Variants in RACGAP1 observed in about 807,000 individuals in gnomAD.
RACGAP1 encodes rac GTPase-activating protein 1.
RACGAP1 carries 30 observed loss-of-function variants against 78.1 expected under a neutral mutation model. The observed-to-expected ratio is 0.38, with a 90% CI of 0.29 to 0.52. The LOEUF is 0.52. RACGAP1 is among the 20% of genes least tolerant of loss of function. RACGAP1 has a pLI of 0.82. For synonymous variants in RACGAP1, 231 were observed against 264.8 expected (o/e 0.87, Z 1.24); for missense variants, 587 against 777.1 (o/e 0.76, Z 2.91).
In RACGAP1 at chr12:50,004,216, G is replaced by A. The variant is rs1289110002; in HGVS notation, c.495+19C>T. ...AGGTAAGAAAAGTAGGTAATTCTCA[G>A]AGATCAAATGTTTATTACCAGTGAT... is the stretch of plus-strand genomic sequence containing the variant. On this transcript the variant is annotated intron_variant, in intron 5 of 16. Transcript: ENST00000312377. 1.3e-6 allele frequency: 2 copies of A among 1,592,924 alleles called. No homozygotes were observed. Among genetic ancestry groups the A allele is most frequent in the East Asian group, 2.3e-5 (1 of 44,346 alleles).
chr12:50,019,049 A>G (rs1949846302), intron 1 of RACGAP1, among the ~76,000 whole-genome samples: 1 of 151,970 alleles, frequency 6.6e-6, no homozygotes, highest in Admixed American at 6.6e-5. Context: ...CTGACTTCCA[A>G]TTTTGATTTC....
chr12:50,021,402 G>A (rs931235421), intron 1 of RACGAP1, among the ~76,000 whole-genome samples: 3 of 152,220 alleles, frequency 2.0e-5, no homozygotes, highest in African/African-American at 7.2e-5. Flanking sequence ...AAGTCAGTAT[G>A]TTACAGATTC....
rs1950235072 is a variant in RACGAP1 at position 50,025,412 on chromosome 12, C to G, written c.-19G>C. On this transcript the variant is annotated 5_prime_UTR_variant, in exon 1 of 17. Coordinates refer to ENST00000312377, the MANE Select transcript of RACGAP1 (RefSeq NM_001319999.2). ...CCACTACTCACTTCAGTCAGCCTGG[C>G]CCCACCTGGGCCACCCTTCACTTCG... The G allele has an allele frequency of 2.0e-6, 2 of 985,678 alleles. No individual in the cohort carries two copies. Among genetic ancestry groups the G allele is most frequent in the Non-Finnish European group, 1.2e-6 (1 of 830,218 alleles). The allele number at this position is 985,678 out of a possible 1,614,324, so 61.1% of individuals were successfully genotyped here. A position where few individuals can be genotyped will look rare whatever the true frequency, so the allele number is the denominator to read the frequency against.
chr12:50,008,949 G>C (rs1460654969), intron 2 of RACGAP1, among the ~76,000 whole-genome samples: 3 of 152,122 alleles, frequency 2.0e-5, no homozygotes, highest in Non-Finnish European at 4.4e-5. Context: ...ATTCAGCTTG[G>C]TACCAGCCTG....
At chr12:50,031,558 C>T in intron 2 of RACGAP1, 1 of 345,746 alleles carries the variant, frequency 2.9e-6, no homozygotes, top group Non-Finnish European at 4.1e-6. Flanking sequence ...TCTAGCTGCA[C>T]TGCCCAACCC....
At chr12:49,993,950 C>G (rs989597366) in intron 12 of RACGAP1, among the ~76,000 whole-genome samples, 181 bp downstream of exon 12, 2 of 152,060 alleles carry the variant, frequency 1.3e-5, no homozygotes, top group Non-Finnish European at 2.9e-5. Flanking sequence ...GAGGCTGAGG[C>G]AGGAGAATCG....
At chr12:50,027,813 G>A (rs979073750), upstream of RACGAP1, among the ~76,000 whole-genome samples, 2 of 152,204 alleles carry the variant, frequency 1.3e-5, no homozygotes, top group Non-Finnish European at 2.9e-5. Flanking sequence ...GCAACAGGGC[G>A]TGACTCCATC....
intron 4 of RACGAP1, among the ~76,000 whole-genome samples, chr12:50,004,991 T>C (rs2137428955): frequency 6.6e-6 from 1 of 152,332 alleles, no homozygotes; most frequent in African/African-American, 2.4e-5. Flanking sequence ...TGCACAGGAT[T>C]AGTTATTGAT....
At chr12:50,004,197 G>T in intron 5 of RACGAP1, 38 bp downstream of exon 5, 1 of 1,585,194 alleles carries the variant, frequency 6.3e-7, no homozygotes, top group South Asian at 1.1e-5. Flanking sequence ...GCAGAGGTAA[G>T]AAAAGTAGGT....
At chr12:50,028,507 G>A (rs1950301277), upstream of RACGAP1, among the ~76,000 whole-genome samples, 1 of 152,180 alleles carries the variant, frequency 6.6e-6, no homozygotes, top group Non-Finnish European at 1.5e-5. Context: ...GGTGGCTTAC[G>A]CCTGTAATCC....
rs1271075228 is a variant in RACGAP1 at position 49,991,484 on chromosome 12, T to A, written c.1714+514A>T. On this transcript the variant is annotated intron_variant, in intron 15 of 16. Coordinates refer to ENST00000312377, the MANE Select transcript of RACGAP1 (RefSeq NM_001319999.2). ...ATATATATATATATATATATATTTT[T>A]TTTTTTTTTTTTTTTTTTTTTTTAG... Among the ~76,000 whole-genome samples, 206 of 66,374 alleles carry A rather than the reference T, an allele frequency of 3.1e-3. 2 individuals carry two copies. Among genetic ancestry groups the A allele is most frequent in the Non-Finnish European group, 3.2e-3 (103 of 32,344 alleles). 43.5% of individuals were successfully genotyped at this position (66,374 alleles called of 152,430 possible). A position where few individuals can be genotyped will look rare whatever the true frequency, so the allele number is the denominator to read the frequency against.
At position 50,016,663 on chromosome 12, in the gene RACGAP1, C is replaced by A. The variant is rs149682099; in HGVS notation, c.53G>T (p.Arg18Leu). ...ATTTCCTTCACTGAGAATCTCCACCCGGCGCACAAGCTGCTCAAACAGATT... is the reference window on the plus strand; with the variant it reads ...ATTTCCTTCACTGAGAATCTCCACCAGGCGCACAAGCTGCTCAAACAGATT... The part of the protein sequence containing the change: ...VRNLFEQLVR[R>L]VEILSEGNEV... The change falls in exon 2 of 17, where the codon CGG becomes CTG. Residue 18 changes from arginine to leucine, a missense_variant. Transcript: ENST00000312377. 29 of 1,614,010 alleles carry A rather than the reference C, an allele frequency of 1.8e-5. No homozygotes were observed. Among genetic ancestry groups the A allele is most frequent in the East Asian group, 2.2e-5 (1 of 44,872 alleles).
intron 2 of RACGAP1, 82 bp from the exon 3 acceptor site, chr12:50,006,718 T>A: frequency 2.2e-6 from 3 of 1,367,782 alleles, no homozygotes; most frequent in Non-Finnish European, 3.0e-6. Context: ...CGGTTAGCTT[T>A]ATTTGAAATT....
intron 15 of RACGAP1, among the ~76,000 whole-genome samples, chr12:49,991,271 C>A (rs1947818367): frequency 6.6e-6 from 1 of 151,078 alleles, no homozygotes; most frequent in Non-Finnish European, 1.5e-5. Context: ...TTCAGTGATC[C>A]CACTCTTAGG....
chr12:49,994,145 A>G lies in RACGAP1; in HGVS notation c.1325T>C (p.Phe442Ser). Residue 442 changes from phenylalanine to serine, a missense_variant, in exon 12 of 17, where the codon TTT becomes TCT. Physicochemically the swap from Phe to Ser is radical, Grantham distance 155 (BLOSUM62 -2). Coordinates refer to ENST00000312377, the MANE Select transcript of RACGAP1 (RefSeq NM_001319999.2). ...PLLTFRLNRA[F>S]MEAAEITDED... ...TCTGCCCTTACCTGCTGCTTCCATA[A>G]AGGCTCTGTTAAGGCGAAAGGTCAG... is the stretch of plus-strand genomic sequence containing the variant. 1 of 1,612,554 alleles carries G rather than the reference A, an allele frequency of 6.2e-7. No homozygotes were observed. Among genetic ancestry groups the G allele is most frequent in the East Asian group, 2.2e-5 (1 of 44,880 alleles).
intron 6 of RACGAP1, among the ~76,000 whole-genome samples, 172 bp downstream of exon 6, chr12:50,002,072 GAAA>G (rs79466036): frequency 1.1e-5 from 1 of 87,224 alleles, no homozygotes. Context: ...TCAAAAAAAA[GAAA>G]AAAAAAAAAA....
At chr12:50,011,455 G>T (rs116145103) in intron 2 of RACGAP1, among the ~76,000 whole-genome samples, 1 of 151,846 alleles carries the variant, frequency 6.6e-6, no homozygotes, top group African/African-American at 2.4e-5. Context: ...GCCCAGGTGC[G>T]GTAGCTCACA....
At chr12:50,014,132 AC>A (rs1199206779) in intron 2 of RACGAP1, among the ~76,000 whole-genome samples, 2 of 152,350 alleles carry the variant, frequency 1.3e-5, no homozygotes, top group East Asian at 3.8e-4. Context: ...GCAAGATACC[AC>A]AAGTAAGTAC....
chr12:50,002,408 T>A, intron 5 of RACGAP1, 108 bp from the exon 6 acceptor site: 1 of 857,494 alleles, frequency 1.2e-6, no homozygotes, highest in Non-Finnish European at 1.8e-6. Flanking sequence ...TCAGGCTACC[T>A]AACGTACAAT....
Sources: gnomAD v4.1 joint callset for allele counts (sites outside exome capture counted in the v4.1 genomes callset) on GRCh38, gnomAD v4.1.1 for gene constraint, MANE v1.5 for transcripts, NCBI Gene and HGNC (gene_info 2026-07-23, HGNC 2026-07-21) for gene names.